The following TRDN variants were observed in gnomAD, a reference collection of about 807,000 sequenced individuals.
The protein encoded by TRDN is triadin in skeletal muscle.
Under a neutral mutation model 149.7 loss-of-function variants are expected in TRDN, and 161 were observed. The observed-to-expected ratio is 1.08, with a 90% CI of 0.95 to 1.23. TRDN has a LOEUF of 1.23. Among genes scored for constraint, TRDN ranks in the 50% most tolerant of loss-of-function variants. TRDN has a pLI of 0.00. For missense variants in TRDN, 896 were observed against 823.5 expected (o/e 1.09, Z -1.08); for synonymous variants, 294 against 250.5 (o/e 1.17, Z -1.64).
chr6:123,457,733 A>G (rs1776214448), intron 10 of TRDN: 1 of 199,400 alleles, frequency 5.0e-6, no homozygotes, highest in Admixed American at 5.7e-5. Context: ...GCCCTAGTAC[A>G]GTGTTTCAGT....
At chr6:123,532,134 A>G (rs1270419959) in intron 4 of TRDN, among the ~76,000 whole-genome samples, 1 of 152,132 alleles carries the variant, frequency 6.6e-6, no homozygotes. Flanking sequence ...AGGACATGAT[A>G]TATGGTTAAT....
chr6:123,514,367 C>A (rs1779325485), intron 6 of TRDN, among the ~76,000 whole-genome samples: 1 of 151,962 alleles, frequency 6.6e-6, no homozygotes, highest in African/African-American at 2.4e-5. Context: ...AACAAAAAAA[C>A]AATCTTTTTT....
intron 38 of TRDN, among the ~76,000 whole-genome samples, chr6:123,233,102 A>G (rs1391819337): frequency 6.6e-6 from 1 of 152,080 alleles, no homozygotes; most frequent in African/African-American, 2.4e-5. Flanking sequence ...CTGCAGAGAT[A>G]CCCAAAGCTC....
At chr6:123,384,130 A>T (rs188041865) in intron 14 of TRDN, among the ~76,000 whole-genome samples, 2 of 152,318 alleles carry the variant, frequency 1.3e-5, no homozygotes, top group Admixed American at 1.3e-4. Context: ...CTTCCTGAAT[A>T]ATTATTTTAA....
At chr6:123,298,195 C>A (rs766114026) in intron 24 of TRDN, among the ~76,000 whole-genome samples, 3 of 152,010 alleles carry the variant, frequency 2.0e-5, no homozygotes, top group Non-Finnish European at 4.4e-5. Context: ...GGACTAGGTT[C>A]TAATAATGAA....
At chr6:123,467,687 A>T (rs2114722169) in intron 9 of TRDN, among the ~76,000 whole-genome samples, 1 of 152,340 alleles carries the variant, frequency 6.6e-6, no homozygotes, top group Admixed American at 6.5e-5. Flanking sequence ...AACATGACAC[A>T]CGACTTTGGT....
intron 38 of TRDN, among the ~76,000 whole-genome samples, chr6:123,227,300 A>C (rs1360674516): frequency 6.6e-6 from 1 of 151,920 alleles, no homozygotes; most frequent in African/African-American, 2.4e-5. Context: ...AATGAAATAG[A>C]ACTAAATACA....
chr6:123,412,192 C>A (rs1773470644), intron 12 of TRDN, among the ~76,000 whole-genome samples: 2 of 152,126 alleles, frequency 1.3e-5, no homozygotes, highest in African/African-American at 2.4e-5. Flanking sequence ...AGGACCTGAA[C>A]CTTGCCTTAA....
chr6:123,577,330 GTTGTTCCCTTCT>G lies in TRDN; in HGVS notation c.23-6210_23-6199del, dbSNP rs576899259. On this transcript the variant is annotated intron_variant, in intron 1 of 40. Transcript: ENST00000334268. ...CACCCTCAAGTAGGCCCCAGTGTCT[GTTGTTCCCTTCT>G]TTGCATTCATGAGTTGTCATCATTT... is the stretch of plus-strand genomic sequence containing the variant. Among the ~76,000 whole-genome samples, 3 of 152,102 alleles carry G rather than the reference GTTGTTCCCTTCT, an allele frequency of 2.0e-5. 1 individual carries two copies. In the South Asian group the frequency reaches 6.2e-4, roughly 32 times the overall value.
chr6:123,385,423 C>CAAAAAAAA (rs71722709), intron 14 of TRDN, among the ~76,000 whole-genome samples: 1 of 83,246 alleles, frequency 1.2e-5, no homozygotes. Flanking sequence ...GACTCCATCT[C>CAAAAAAAA]AAAAAAAAAA....
chr6:123,548,411 A>C, intron 3 of TRDN, 43 bp downstream of exon 3: 1 of 1,389,464 alleles, frequency 7.2e-7, no homozygotes. Context: ...TACATATTTA[A>C]TGTTGCTCCT....
intron 9 of TRDN, among the ~76,000 whole-genome samples, chr6:123,467,018 C>G (rs1776860833): frequency 6.6e-6 from 1 of 151,938 alleles, no homozygotes; most frequent in African/African-American, 2.4e-5. Flanking sequence ...TTAGATTTAT[C>G]TGAAGGAAAT....
At chr6:123,576,394 T>C (rs1300465755) in intron 1 of TRDN, among the ~76,000 whole-genome samples, 2 of 152,138 alleles carry the variant, frequency 1.3e-5, no homozygotes, top group South Asian at 2.1e-4. Flanking sequence ...ATTATCATAA[T>C]GCAATTTCAG....
intron 4 of TRDN, among the ~76,000 whole-genome samples, chr6:123,546,719 G>A (rs1781130267): frequency 6.6e-6 from 1 of 151,870 alleles, no homozygotes; most frequent in South Asian, 2.1e-4. Flanking sequence ...CTTTGTCCTA[G>A]GTTTATCGTT....
chr6:123,559,121 C>A (rs1251019469), intron 2 of TRDN, among the ~76,000 whole-genome samples: 1 of 152,232 alleles, frequency 6.6e-6, no homozygotes, highest in African/African-American at 2.4e-5. Context: ...ACTGCCCGAT[C>A]ACCTCAAAAG....
chr6:123,404,900 T>C (rs987398884), intron 12 of TRDN, among the ~76,000 whole-genome samples: 1 of 152,212 alleles, frequency 6.6e-6, no homozygotes, highest in Non-Finnish European at 1.5e-5. Context: ...CCTTTATCAG[T>C]GTTAAAAGGA....
chr6:123,265,746 T>G (rs1776926584), intron 32 of TRDN, among the ~76,000 whole-genome samples: 1 of 147,682 alleles, frequency 6.8e-6, no homozygotes, highest in African/African-American at 2.5e-5. Flanking sequence ...TAATTTATAC[T>G]AATAATATTA....
chr6:123,261,116 G>A (rs1315856812), intron 33 of TRDN, among the ~76,000 whole-genome samples: 1 of 151,390 alleles, frequency 6.6e-6, no homozygotes, highest in African/African-American at 2.4e-5. Context: ...TACCTACCAA[G>A]TTAAAAATAA....
At chr6:123,565,239 C>A (rs1257022102) in intron 2 of TRDN, among the ~76,000 whole-genome samples, 1 of 152,178 alleles carries the variant, frequency 6.6e-6, no homozygotes, top group African/African-American at 2.4e-5. Context: ...TCTGCAGAAG[C>A]TTGAAGGGAA....
Sources: gnomAD v4.1 joint callset for allele counts (sites outside exome capture counted in the v4.1 genomes callset) on GRCh38, gnomAD v4.1.1 for gene constraint, MANE v1.5 for transcripts, NCBI Gene and HGNC (gene_info 2026-07-23, HGNC 2026-07-21) for gene names.